The following PARP8 variants were observed in gnomAD, a reference collection of about 807,000 sequenced individuals.
The protein encoded by PARP8 is poly(ADP-ribose) polymerase family member 8, also known as protein mono-ADP-ribosyltransferase PARP8.
Under a neutral mutation model 124.1 loss-of-function variants are expected in PARP8, and 51 were observed. The ratio of observed to expected loss-of-function variants is 0.41; its 90% CI spans 0.33 to 0.52. The LOEUF (loss-of-function observed/expected upper bound fraction) is 0.52. Ranked by LOEUF, PARP8 falls within the 20% of genes least tolerant of loss-of-function variation. The pLI, the probability that PARP8 is intolerant of heterozygous loss-of-function variation, is 0.21. For missense variants in PARP8, 860 were observed against 1,018.9 expected, an observed-to-expected ratio of 0.84 and a Z score of 2.12; for synonymous variants, 391 against 361.5, an observed-to-expected ratio of 1.08 and a Z score of -0.93.
At chr5:50,804,020 A>G (rs1345824478) in intron 14 of PARP8, among the ~76,000 whole-genome samples, 1 of 152,120 alleles carries the variant, frequency 6.6e-6, no homozygotes, top group Non-Finnish European at 1.5e-5. Context: ...AAGGCCTTCT[A>G]AAGTCTTTCT....
chr5:50,756,931 T>G (rs1267029592), intron 3 of PARP8, among the ~76,000 whole-genome samples: 2 of 152,224 alleles, frequency 1.3e-5, no homozygotes, highest in Non-Finnish European at 2.9e-5. Flanking sequence ...TTTATCTTTC[T>G]GTGTTGTCTG....
At chr5:50,772,380 G>T (rs1383659322) in intron 7 of PARP8, among the ~76,000 whole-genome samples, 2 of 152,172 alleles carry the variant, frequency 1.3e-5, no homozygotes, top group African/African-American at 4.8e-5. Context: ...TCATGGAACT[G>T]CTGGGCCACA....
At chr5:50,791,607 C>T (rs1052992265) in intron 10 of PARP8, among the ~76,000 whole-genome samples, 2 of 152,122 alleles carry the variant, frequency 1.3e-5, no homozygotes, top group Non-Finnish European at 2.9e-5. Flanking sequence ...ACAGATATCA[C>T]AGATATAGTG....
At chr5:50,760,532 A>G (rs113744716) in intron 5 of PARP8, among the ~76,000 whole-genome samples, 170 bp downstream of exon 5, 2,266 of 152,064 alleles carry the variant, frequency 0.015, 58 homozygotes, top group African/African-American at 0.052. Flanking sequence ...CCTAAAATTA[A>G]CTCTGAGAAG....
intron 2 of PARP8, among the ~76,000 whole-genome samples, chr5:50,729,453 A>G (rs563890264): frequency 6.6e-6 from 1 of 152,326 alleles, no homozygotes; most frequent in East Asian, 1.9e-4. Context: ...ATTTGGACCA[A>G]AGGAGAACTA....
At chr5:50,684,870 G>T (rs1490871462) in intron 2 of PARP8, among the ~76,000 whole-genome samples, 3 of 152,160 alleles carry the variant, frequency 2.0e-5, no homozygotes, top group Non-Finnish European at 2.9e-5. Context: ...TGTAGGTGGT[G>T]TGCTTGAAAG....
chr5:50,674,102 G>T (rs1321579696), intron 2 of PARP8, among the ~76,000 whole-genome samples: 3 of 152,106 alleles, frequency 2.0e-5, no homozygotes, highest in African/African-American at 7.2e-5. Context: ...TTATTAACAA[G>T]ACTTACTATC....
intron 11 of PARP8, 45 bp downstream of exon 11, chr5:50,794,377 G>T: frequency 6.3e-7 from 1 of 1,596,680 alleles, no homozygotes; most frequent in South Asian, 1.1e-5. Context: ...AATGCTGAGT[G>T]TGTGATGTAG....
At chr5:50,799,355 C>T (rs1391410686) in intron 14 of PARP8, among the ~76,000 whole-genome samples, 4 of 152,166 alleles carry the variant, frequency 2.6e-5, no homozygotes, top group African/African-American at 4.8e-5. Flanking sequence ...TTGGCACCCT[C>T]GTTGAAAATT....
chr5:50,752,793 A>G (rs1759402978), intron 3 of PARP8, among the ~76,000 whole-genome samples: 1 of 152,084 alleles, frequency 6.6e-6, no homozygotes, highest in Non-Finnish European at 1.5e-5. Context: ...TTAAGTAATC[A>G]TCTAAGTTTG....
At chr5:50,767,835 C>T (rs1192224001) in intron 7 of PARP8, among the ~76,000 whole-genome samples, 2 of 152,182 alleles carry the variant, frequency 1.3e-5, no homozygotes, top group African/African-American at 4.8e-5. Flanking sequence ...GATAGACATG[C>T]AAGCTGTTGA....
chr5:50,689,710 C>T (rs1319106349), intron 2 of PARP8, among the ~76,000 whole-genome samples: 6 of 152,150 alleles, frequency 3.9e-5, no homozygotes, highest in African/African-American at 4.8e-5. Flanking sequence ...TTGCAGTTTC[C>T]GAACACTTCG....
At chr5:50,733,656 C>CA (rs1456455316) in intron 2 of PARP8, among the ~76,000 whole-genome samples, 1 of 152,100 alleles carries the variant, frequency 6.6e-6, no homozygotes, top group Non-Finnish European at 1.5e-5. Flanking sequence ...GTTATTGACT[C>CA]AAAACCTCAC....
At chr5:50,810,071 T>A (rs1361902947) in intron 14 of PARP8, among the ~76,000 whole-genome samples, 1 of 152,038 alleles carries the variant, frequency 6.6e-6, no homozygotes, top group Non-Finnish European at 1.5e-5. Context: ...TGTTTTCATT[T>A]TAGTTGAAAA....
intron 2 of PARP8, among the ~76,000 whole-genome samples, chr5:50,689,109 C>T (rs1353261934): frequency 6.8e-6 from 1 of 147,172 alleles, no homozygotes; most frequent in Non-Finnish European, 1.5e-5. Context: ...GCTGTTTTGA[C>T]CCTCTGGCTT....
chr5:50,739,865 C>T (rs1757865937), intron 2 of PARP8, among the ~76,000 whole-genome samples: 1 of 150,722 alleles, frequency 6.6e-6, no homozygotes, highest in African/African-American at 2.4e-5. Context: ...TTCTCTGCCT[C>T]AGCCTCCCGA....
intron 2 of PARP8, among the ~76,000 whole-genome samples, chr5:50,670,866 A>T (rs1342845367): frequency 6.6e-6 from 1 of 152,232 alleles, no homozygotes; most frequent in Non-Finnish European, 1.5e-5. Flanking sequence ...TGAGAGTTAC[A>T]GTTTAAAGAA....
chr5:50,829,875 C>CA lies in PARP8; in HGVS notation c.2164-16dup. On this transcript the variant is annotated splice_polypyrimidine_tract_variant and intron_variant, in intron 21 of 25. Coordinates refer to ENST00000281631, the MANE Select transcript of PARP8 (RefSeq NM_024615.4). ...CATGAACAGACCTCTCTCTCTCTCCCACTCTTCCCATCTTAGCTCCATGGT... is the reference window on the plus strand; with the variant it reads ...CATGAACAGACCTCTCTCTCTCTCCCAACTCTTCCCATCTTAGCTCCATGGT... 1.3e-6 allele frequency: 2 copies of CA among 1,593,668 alleles called. No individual in the cohort carries two copies. The highest frequency in any genetic ancestry group is 1.7e-6 in the Non-Finnish European group (2 of 1,169,028).
intron 2 of PARP8, chr5:50,745,096 A>G: frequency 4.4e-6 from 1 of 227,108 alleles, no homozygotes. Flanking sequence ...CTGGTATACC[A>G]CTGAGAAAAT....
Sources: gnomAD v4.1 joint callset for allele counts (sites outside exome capture counted in the v4.1 genomes callset) on GRCh38, gnomAD v4.1.1 for gene constraint, MANE v1.5 for transcripts, NCBI Gene and HGNC (gene_info 2026-07-23, HGNC 2026-07-21) for gene names.